Variants in DIS3L2 observed in about 807,000 individuals in gnomAD.
DIS3L2 encodes the protein DIS3 like 3'-5' exoribonuclease 2.
Under a neutral mutation model 97.5 loss-of-function variants are expected in DIS3L2, and 34 were observed. The observed-to-expected ratio is 0.35, with a 90% CI of 0.27 to 0.46. The LOEUF is 0.46. Among genes scored for constraint, DIS3L2 ranks in the 20% least tolerant of loss-of-function variants. The pLI, the probability that DIS3L2 is intolerant of heterozygous loss-of-function variation, is 1.00. For synonymous variants in DIS3L2, 435 were observed against 445.2 expected, an observed-to-expected ratio of 0.98 and a Z score of 0.29; for missense variants, 1,038 against 1,146.0, an observed-to-expected ratio of 0.91 and a Z score of 1.36.
At chr2:232,194,064 C>T (rs768680636) in intron 9 of DIS3L2, among the ~76,000 whole-genome samples, 1 of 151,966 alleles carries the variant, frequency 6.6e-6, no homozygotes, top group Non-Finnish European at 1.5e-5. Flanking sequence ...GAGCCGGGAT[C>T]GTACCACTGA....
intron 5 of DIS3L2, among the ~76,000 whole-genome samples, chr2:232,072,309 T>C (rs1696042769): frequency 6.6e-6 from 1 of 151,910 alleles, no homozygotes; most frequent in Non-Finnish European, 1.5e-5. Context: ...GGGATAAGGA[T>C]TGAGATTTTA....
chr2:232,023,032 ATACTT>A (rs1694562911), intron 3 of DIS3L2: 1 of 152,130 alleles, frequency 6.6e-6, no homozygotes. Flanking sequence ...GTCCTCTACT[ATACTT>A]CTCATCTGAT....
chr2:232,130,467 A>G, intron 6 of DIS3L2, 152 bp from the exon 7 acceptor site: 1 of 769,502 alleles, frequency 1.3e-6, no homozygotes, highest in Non-Finnish European at 2.0e-6. Flanking sequence ...CTGGTATGTG[A>G]CAGGTCCACT....
intron 6 of DIS3L2, chr2:232,087,970 T>C (rs1214611076): frequency 2.2e-6 from 1 of 451,266 alleles, no homozygotes; most frequent in Non-Finnish European, 4.0e-6. Context: ...GCTTGAGCTG[T>C]GTTGCTGGTT....
chr2:232,254,527 A>G (rs1416486716), intron 12 of DIS3L2, among the ~76,000 whole-genome samples: 1 of 152,200 alleles, frequency 6.6e-6, no homozygotes, highest in Non-Finnish European at 1.5e-5. Context: ...GTTTTTATAA[A>G]TGCTTATTTT....
At position 232,163,646 on chromosome 2, in the gene DIS3L2, A is replaced by G. The variant is rs1334286498; in HGVS notation, c.1124+14A>G. The G allele has an allele frequency of 6.2e-7, 1 of 1,610,702 alleles. No homozygotes were observed. Among genetic ancestry groups the G allele is most frequent in the East Asian group, 2.2e-5 (1 of 44,830 alleles). On this transcript the variant is annotated intron_variant, in intron 9 of 20. Transcript: ENST00000325385. ...AAGGGATTTAAGGTAAGCACCTGAAACCCTTTAAGAACGTATATCTCCCTT... is the reference window on the plus strand; with the variant it reads ...AAGGGATTTAAGGTAAGCACCTGAAGCCCTTTAAGAACGTATATCTCCCTT...
chr2:232,064,494 A>G (rs6437047), intron 5 of DIS3L2, among the ~76,000 whole-genome samples: 118,551 of 152,136 alleles, frequency 0.78, 46,799 homozygotes, highest in African/African-American at 0.89. Flanking sequence ...TGCCCCTGTG[A>G]ACACTGCTGT....
intron 5 of DIS3L2, among the ~76,000 whole-genome samples, chr2:232,049,059 G>A (rs1456578224): frequency 6.6e-6 from 1 of 151,964 alleles, no homozygotes; most frequent in East Asian, 1.9e-4. Context: ...ATTGTTTCAG[G>A]CACATGGAAT....
chr2:232,181,184 G>A (rs1293463504), intron 9 of DIS3L2, among the ~76,000 whole-genome samples: 2 of 148,388 alleles, frequency 1.3e-5, no homozygotes, highest in Non-Finnish European at 3.0e-5. Flanking sequence ...GAGATCCGCT[G>A]TTAGTCTGAT....
intron 1 of DIS3L2, among the ~76,000 whole-genome samples, chr2:231,977,086 A>G (rs1693121574): frequency 6.6e-6 from 1 of 152,106 alleles, no homozygotes; most frequent in Non-Finnish European, 1.5e-5. Context: ...TTTTTATAAT[A>G]AAGTGTTGAA....
At chr2:231,971,328 G>A (rs1286088059) in intron 1 of DIS3L2, among the ~76,000 whole-genome samples, 4 of 151,592 alleles carry the variant, frequency 2.6e-5, no homozygotes, top group East Asian at 1.9e-4. Context: ...GTGCAGTGGC[G>A]CGATCTGGCT....
chr2:232,295,342 A>G (rs1694697913), intron 13 of DIS3L2, among the ~76,000 whole-genome samples: 1 of 146,426 alleles, frequency 6.8e-6, no homozygotes, highest in South Asian at 2.1e-4. Flanking sequence ...GAAAGAACCT[A>G]AAAAATCATA....
At chr2:232,203,662 C>A (rs1691955679) in intron 9 of DIS3L2, among the ~76,000 whole-genome samples, 1 of 152,192 alleles carries the variant, frequency 6.6e-6, no homozygotes, top group African/African-American at 2.4e-5. Flanking sequence ...CAGCCTGTCA[C>A]AGCGATAAGA....
chr2:232,049,239 T>C (rs1158137910), intron 5 of DIS3L2, among the ~76,000 whole-genome samples: 1 of 152,188 alleles, frequency 6.6e-6, no homozygotes, highest in Non-Finnish European at 1.5e-5. Context: ...TGACTTTTTA[T>C]TTCTTAAGAT....
intron 1 of DIS3L2, among the ~76,000 whole-genome samples, chr2:231,984,635 C>T (rs1335571514): frequency 4.6e-5 from 7 of 151,924 alleles, no homozygotes; most frequent in African/African-American, 1.5e-4. Context: ...CCTCGTGATC[C>T]GCCCGCCTCG....
intron 12 of DIS3L2, chr2:232,260,444 T>A (rs766998003): frequency 1.1e-4 from 16 of 152,258 alleles, no homozygotes; most frequent in Non-Finnish European, 2.4e-4. Flanking sequence ...TGTCAGGTGG[T>A]ACCTGGAATT....
chr2:232,343,132 G>T (rs1421021755), intron 13 of DIS3L2: 2 of 555,686 alleles, frequency 3.6e-6, no homozygotes, highest in Non-Finnish European at 3.3e-6. Flanking sequence ...GTAACTGAAG[G>T]CCCCCTCAAC....
intron 8 of DIS3L2, among the ~76,000 whole-genome samples, chr2:232,160,033 A>G (rs11681494): frequency 0.012 from 1,816 of 152,312 alleles, 17 homozygotes; most frequent in Non-Finnish European, 0.018. Context: ...TTCTTTTTCA[A>G]TAACTGATAT....
intron 5 of DIS3L2, among the ~76,000 whole-genome samples, chr2:232,032,850 A>G (rs960988434): frequency 6.6e-6 from 1 of 152,122 alleles, no homozygotes; most frequent in African/African-American, 2.4e-5. Flanking sequence ...ATTGGTCTAT[A>G]TATCTGTTTT....
Sources: allele counts gnomAD v4.1 joint callset (sites outside exome capture counted in the v4.1 genomes callset), GRCh38; gene constraint gnomAD v4.1.1; transcripts MANE v1.5; gene names NCBI Gene and HGNC (gene_info 2026-07-23, HGNC 2026-07-21).